Variants in TBC1D22A observed in about 807,000 individuals in gnomAD.
TBC1D22A encodes the protein TBC1 domain family member 22A, also known as putative GTPase activator.
In TBC1D22A, 38 loss-of-function variants were observed where a neutral mutation model predicts 60.2. The ratio of observed to expected loss-of-function variants is 0.63; its 90% CI spans 0.49 to 0.83. The LOEUF is 0.83. Ranked by LOEUF, TBC1D22A falls within the 40% of genes least tolerant of loss-of-function variation. TBC1D22A has a pLI of 0.00. For synonymous variants in TBC1D22A, 302 were observed against 281.7 expected (o/e 1.07, Z -0.72); for missense variants, 628 against 701.0 (o/e 0.90, Z 1.18).
chr22:47,036,447 G>A (rs753668029), intron 10 of TBC1D22A, among the ~76,000 whole-genome samples: 9 of 152,184 alleles, frequency 5.9e-5, no homozygotes, highest in Non-Finnish European at 1.2e-4. Flanking sequence ...AGAGGGGAGC[G>A]CATGTGGCTG....
At chr22:47,103,185 C>T (rs988291418) in intron 11 of TBC1D22A, among the ~76,000 whole-genome samples, 1 of 152,236 alleles carries the variant, frequency 6.6e-6, no homozygotes, top group Non-Finnish European at 1.5e-5. Context: ...TGTGTAATTT[C>T]GTTCGGTTTC....
chr22:46,772,072 C>A (rs1226124192), intron 1 of TBC1D22A, among the ~76,000 whole-genome samples: 1 of 146,000 alleles, frequency 6.8e-6, no homozygotes, highest in East Asian at 2.0e-4. Context: ...TATGTATACA[C>A]ACATATACAT....
At chr22:46,983,570 A>C (rs1339424593) in intron 9 of TBC1D22A, among the ~76,000 whole-genome samples, 1 of 151,770 alleles carries the variant, frequency 6.6e-6, no homozygotes, top group Non-Finnish European at 1.5e-5. Context: ...GCACAGGTTG[A>C]CCGTGTGTGG....
chr22:47,140,828 A>G lies in TBC1D22A; in HGVS notation c.1425+29225A>G, dbSNP rs150961027. Among the ~76,000 whole-genome samples, 854 of 152,290 alleles carry G rather than the reference A, an allele frequency of 5.6e-3. 6 individuals are homozygous for G. Among genetic ancestry groups the G allele is most frequent in the African/African-American group, 0.018 (768 of 41,572 alleles). ...CTGGGGCGGCTTATCACAAAGTGCA[A>G]CTTGCCCCTACCCCAAAAAAACCTG... On this transcript the variant is annotated intron_variant, in intron 12 of 12. Coordinates refer to ENST00000337137, the MANE Select transcript of TBC1D22A (RefSeq NM_014346.5).
At chr22:46,867,634 T>C (rs1354182983) in intron 4 of TBC1D22A, among the ~76,000 whole-genome samples, 1 of 152,226 alleles carries the variant, frequency 6.6e-6, no homozygotes, top group Non-Finnish European at 1.5e-5. Flanking sequence ...AAAATGGTTT[T>C]GAGTCCAGGT....
rs563934918 is a variant in TBC1D22A, at chr22:47,173,696, C to T, written c.*70C>T. ...CCCCACCTGCCTGGCTGGTGGTAGG[C>T]CCCTGTGAGCTGGTCCCGGGCTGCT... On this transcript the variant is annotated 3_prime_UTR_variant, in exon 13 of 13. Coordinates refer to ENST00000337137, the MANE Select transcript of TBC1D22A (RefSeq NM_014346.5). 1.1e-5 allele frequency: 18 copies of T among 1,601,478 alleles called. No homozygotes were observed. Among genetic ancestry groups the T allele is most frequent in the East Asian group, 4.5e-5 (2 of 44,594 alleles).
At chr22:46,792,908 C>T in intron 2 of TBC1D22A, 1 of 1,389,200 alleles carries the variant, frequency 7.2e-7, no homozygotes, top group Non-Finnish European at 9.4e-7. Flanking sequence ...CTCCTTCCCG[C>T]ATTCTCCACC....
chr22:46,859,988 C>G (rs1236733335), intron 4 of TBC1D22A, among the ~76,000 whole-genome samples: 57 of 23,290 alleles, frequency 2.4e-3, no homozygotes, highest in African/African-American at 2.8e-3. Flanking sequence ...GACCAGAATC[C>G]TTTTCCATAG....
At chr22:47,122,130 A>G (rs575055815) in intron 12 of TBC1D22A, among the ~76,000 whole-genome samples, 10 of 152,190 alleles carry the variant, frequency 6.6e-5, no homozygotes, top group Non-Finnish European at 1.3e-4. Flanking sequence ...CTGGTAACAC[A>G]TGAGGGGCAC....
intron 11 of TBC1D22A, among the ~76,000 whole-genome samples, chr22:47,086,454 T>TCAAACAAACAAA (rs367825282): frequency 6.6e-6 from 1 of 152,036 alleles, no homozygotes; most frequent in African/African-American, 2.4e-5. Flanking sequence ...AAACCCCATC[T>TCAAACAAACAAA]CAAACAAACA....
intron 4 of TBC1D22A, among the ~76,000 whole-genome samples, chr22:46,872,063 A>G (rs370842170): frequency 6.6e-6 from 1 of 152,204 alleles, no homozygotes; most frequent in Non-Finnish European, 1.5e-5. Context: ...TGAAATGGGG[A>G]TATTTCTAGA....
intron 12 of TBC1D22A, among the ~76,000 whole-genome samples, chr22:47,138,797 G>T (rs144923118): frequency 1.4e-4 from 22 of 152,114 alleles, no homozygotes; most frequent in African/African-American, 4.8e-4. Flanking sequence ...CCCGCTCCTG[G>T]TTCATAGACA....
intron 8 of TBC1D22A, among the ~76,000 whole-genome samples, chr22:46,916,649 A>G (rs1315981299): frequency 6.6e-6 from 1 of 152,240 alleles, no homozygotes; most frequent in African/African-American, 2.4e-5. Context: ...ACAAATCTGT[A>G]ATCAACCTTT....
intron 7 of TBC1D22A, among the ~76,000 whole-genome samples, chr22:46,904,165 A>ACCTACCTT (rs2069269661): frequency 6.9e-6 from 1 of 144,698 alleles, no homozygotes; most frequent in African/African-American, 2.5e-5. Flanking sequence ...CTACCTACCT[A>ACCTACCTT]CCTACCTACC....
rs965013994 is a variant in TBC1D22A at position 47,173,881 on chromosome 22, G to T, written c.*255G>T. On this transcript the variant is annotated 3_prime_UTR_variant, in exon 13 of 13. Coordinates refer to ENST00000337137, the MANE Select transcript of TBC1D22A (RefSeq NM_014346.5). ...GTTCGGCGGCCAGAGGCAGGTCAGG[G>T]GTCCCCTCTCCCTCTCCCTGCAATG... is the stretch of plus-strand genomic sequence containing the variant. 2.2e-6 allele frequency: 1 copy of T among 457,410 alleles called. No individual in the cohort carries two copies. Among genetic ancestry groups the T allele is most frequent in the Non-Finnish European group, 3.9e-6 (1 of 255,372 alleles). The allele number at this position is 457,410 out of a possible 1,614,324, so 28.3% of individuals were successfully genotyped here.
intron 10 of TBC1D22A, among the ~76,000 whole-genome samples, chr22:47,016,906 C>T (rs374611333): frequency 1.3e-5 from 2 of 150,708 alleles, no homozygotes; most frequent in African/African-American, 5.0e-5. Context: ...CTCTGGGGCC[C>T]GGCGAGCCTC....
At chr22:46,813,969 C>T (rs2085486693) in intron 4 of TBC1D22A, among the ~76,000 whole-genome samples, 1 of 152,232 alleles carries the variant, frequency 6.6e-6, no homozygotes, top group South Asian at 2.1e-4. Flanking sequence ...AGCCCTGGTG[C>T]TCCTTCCAGG....
At chr22:47,158,574 G>A (rs1387101990) in intron 12 of TBC1D22A, among the ~76,000 whole-genome samples, 4 of 152,154 alleles carry the variant, frequency 2.6e-5, no homozygotes, top group East Asian at 3.9e-4. Context: ...GGCTGTGCCC[G>A]CCCTCCCAGT....
intron 4 of TBC1D22A, among the ~76,000 whole-genome samples, chr22:46,813,971 C>T (rs1178647542): frequency 1.3e-5 from 2 of 152,234 alleles, no homozygotes; most frequent in Non-Finnish European, 2.9e-5. Context: ...CCCTGGTGCT[C>T]CTTCCAGGAG....
Sources: allele counts gnomAD v4.1 joint callset (sites outside exome capture counted in the v4.1 genomes callset), GRCh38; gene constraint gnomAD v4.1.1; transcripts MANE v1.5; gene names NCBI Gene and HGNC (gene_info 2026-07-23, HGNC 2026-07-21).